Variants in NRG1 observed in about 807,000 individuals in gnomAD.
NRG1 encodes the protein neuregulin 1, also known as pro-neuregulin-1, membrane-bound isoform.
In NRG1, 18 loss-of-function variants were observed where a neutral mutation model predicts 63.8. The ratio of observed to expected loss-of-function variants is 0.28; its 90% CI spans 0.19 to 0.42. The LOEUF (loss-of-function observed/expected upper bound fraction) is 0.42. Among genes scored for constraint, NRG1 ranks in the 10% least tolerant of loss-of-function variants. NRG1 has a pLI of 1.00. For missense variants in NRG1, 762 were observed against 814.7 expected (o/e 0.94, Z 0.79); for synonymous variants, 302 against 301.3 (o/e 1.00, Z -0.02).
intron 1 of NRG1, among the ~76,000 whole-genome samples, chr8:31,949,048 A>T (rs552879471): frequency 6.6e-6 from 1 of 152,356 alleles, no homozygotes; most frequent in African/African-American, 2.4e-5. Context: ...GACACAAAAA[A>T]ACTATATTGG....
intron 1 of NRG1, among the ~76,000 whole-genome samples, chr8:32,365,384 T>C (rs1219408029): frequency 1.3e-5 from 2 of 152,166 alleles, no homozygotes; most frequent in Non-Finnish European, 2.9e-5. Context: ...TGGACTTGCA[T>C]TATTTATTTA....
intron 1 of NRG1, among the ~76,000 whole-genome samples, chr8:32,464,083 A>ACGGAGTTT (rs1822735672): frequency 6.7e-6 from 1 of 150,228 alleles, no homozygotes; most frequent in African/African-American, 2.4e-5. Flanking sequence ...TTTAGTAGAG[A>ACGGAGTTT]CGGAGTTTCA....
chr8:32,315,729 G>A (rs1302528082), intron 1 of NRG1, among the ~76,000 whole-genome samples: 2 of 152,134 alleles, frequency 1.3e-5, no homozygotes, highest in Non-Finnish European at 2.9e-5. Flanking sequence ...GTAACTCTAC[G>A]TGATGTGTGT....
At chr8:32,304,023 A>G (rs1348270560) in intron 1 of NRG1, among the ~76,000 whole-genome samples, 16 of 152,224 alleles carry the variant, frequency 1.1e-4, no homozygotes, top group African/African-American at 3.9e-4. Flanking sequence ...AATGTTGACT[A>G]CAAAAAAAAC....
At chr8:32,525,395 T>G (rs953683770) in intron 1 of NRG1, among the ~76,000 whole-genome samples, 1 of 120,818 alleles carries the variant, frequency 8.3e-6, no homozygotes, top group East Asian at 2.4e-4. Flanking sequence ...GGTAGGGGTG[T>G]GTGTGTGTGT....
intron 1 of NRG1, among the ~76,000 whole-genome samples, chr8:31,944,974 T>A (rs1802321264): frequency 4.6e-5 from 7 of 152,228 alleles, no homozygotes; most frequent in Admixed American, 4.6e-4. Flanking sequence ...TCTCTTCCAA[T>A]GTGCTCCTTA....
chr8:32,588,858 C>T (rs543602811), intron 1 of NRG1, among the ~76,000 whole-genome samples: 2 of 152,194 alleles, frequency 1.3e-5, no homozygotes, highest in Non-Finnish European at 2.9e-5. Flanking sequence ...TGCCATCCTC[C>T]TTCCTCAGTA....
chr8:31,741,713 A>G (rs566001801), intron 1 of NRG1, among the ~76,000 whole-genome samples: 1 of 152,136 alleles, frequency 6.6e-6, no homozygotes, highest in African/African-American at 2.4e-5. Context: ...AATTATGACA[A>G]TAAGTTTTGG....
At chr8:31,712,865 T>G (rs1314773262) in intron 1 of NRG1, among the ~76,000 whole-genome samples, 1 of 152,102 alleles carries the variant, frequency 6.6e-6, no homozygotes, top group African/African-American at 2.4e-5. Flanking sequence ...GTGTTCTCAT[T>G]AGGTGGTTCC....
At chr8:32,063,873 A>G (rs1824300313) in intron 1 of NRG1, among the ~76,000 whole-genome samples, 1 of 152,080 alleles carries the variant, frequency 6.6e-6, no homozygotes, top group South Asian at 2.1e-4. Context: ...TAAAACGCAA[A>G]CATTTTATTA....
At chr8:32,017,705 G>A (rs1213083658) in intron 1 of NRG1, among the ~76,000 whole-genome samples, 3 of 152,192 alleles carry the variant, frequency 2.0e-5, no homozygotes, top group Non-Finnish European at 4.4e-5. Flanking sequence ...ATATTACAGA[G>A]TACAGATGAA....
chr8:32,587,413 G>A (rs1197285190), intron 1 of NRG1, among the ~76,000 whole-genome samples: 1 of 152,086 alleles, frequency 6.6e-6, no homozygotes, highest in East Asian at 1.9e-4. Context: ...TACAGAACAT[G>A]AAAACTTCAA....
chr8:31,677,483 CT>C (rs1807836740), intron 1 of NRG1, among the ~76,000 whole-genome samples: 2 of 152,040 alleles, frequency 1.3e-5, no homozygotes, highest in African/African-American at 4.8e-5. Context: ...TTGTCAGAAT[CT>C]GTTCTCTAGT....
chr8:32,381,362 T>C lies in NRG1; in HGVS notation c.38-214466T>C, dbSNP rs1203297748. Among the ~76,000 whole-genome samples the C allele has an allele frequency of 2.0e-5, 3 of 152,196 alleles. No homozygotes were observed. The East Asian group carries it at 5.8e-4, about 29-fold the overall frequency. ...AGTCACATCCACTCTCCTGAGCACTTGTTACCATCTGATTATGTTTGTTGG... is the reference window on the plus strand; with the variant it reads ...AGTCACATCCACTCTCCTGAGCACTCGTTACCATCTGATTATGTTTGTTGG... On this transcript the variant is annotated intron_variant, in intron 1 of 10. Coordinates refer to the NRG1 transcript ENST00000519301.
At chr8:32,686,504 A>G (rs999416490) in intron 5 of NRG1, among the ~76,000 whole-genome samples, 3 of 152,186 alleles carry the variant, frequency 2.0e-5, no homozygotes, top group Non-Finnish European at 2.9e-5. Context: ...AGGAGGAGAA[A>G]AGTGCTTCTT....
At chr8:32,307,535 G>A (rs1856326633) in intron 1 of NRG1, among the ~76,000 whole-genome samples, 1 of 151,768 alleles carries the variant, frequency 6.6e-6, no homozygotes, top group African/African-American at 2.4e-5. Flanking sequence ...TGAAAGTGTG[G>A]GGTTAGGAAT....
chr8:31,888,707 A>G (rs763677579), intron 1 of NRG1, among the ~76,000 whole-genome samples: 32 of 152,186 alleles, frequency 2.1e-4, no homozygotes, highest in Non-Finnish European at 4.4e-4. Flanking sequence ...AGCCACAATA[A>G]TCTATAATAC....
intron 1 of NRG1, among the ~76,000 whole-genome samples, chr8:32,464,882 A>G (rs1013157807): frequency 5.3e-5 from 8 of 152,186 alleles, no homozygotes; most frequent in Non-Finnish European, 8.8e-5. Context: ...GAAGCATGGA[A>G]ATTCAGCTGT....
chr8:32,250,746 CA>C (rs1464990016), intron 1 of NRG1, among the ~76,000 whole-genome samples: 1 of 149,412 alleles, frequency 6.7e-6, no homozygotes, highest in Non-Finnish European at 1.5e-5. Flanking sequence ...TCTTTTTTTT[CA>C]CACAAGTATA....
Sources: gnomAD v4.1 joint callset for allele counts (sites outside exome capture counted in the v4.1 genomes callset) on GRCh38, gnomAD v4.1.1 for gene constraint, MANE v1.5 for transcripts, NCBI Gene and HGNC (gene_info 2026-07-23, HGNC 2026-07-21) for gene names.